NME7: variants seen among roughly 807,000 people sequenced by gnomAD.
The protein encoded by NME7 is nucleoside diphosphate kinase 7.
NME7 carries 41 observed loss-of-function variants against 49.1 expected under a neutral mutation model. The ratio of observed to expected loss-of-function variants is 0.83; its 90% CI spans 0.65 to 1.08. NME7 has a LOEUF of 1.08. Among genes scored for constraint, NME7 ranks in the 50% least tolerant of loss-of-function variants. The pLI is 0.00. For synonymous variants in NME7, 139 were observed against 150.6 expected, an observed-to-expected ratio of 0.92 and a Z score of 0.56; for missense variants, 423 against 463.4, an observed-to-expected ratio of 0.91 and a Z score of 0.80.
At chr1:169,139,084 T>C (rs2101806992) in intron 11 of NME7, among the ~76,000 whole-genome samples, 1 of 152,320 alleles carries the variant, frequency 6.6e-6, no homozygotes, top group East Asian at 1.9e-4. Flanking sequence ...CCTGTAATGA[T>C]TAAAAAGGTA....
At chr1:169,236,275 T>C (rs1647855455) in intron 8 of NME7, among the ~76,000 whole-genome samples, 1 of 152,164 alleles carries the variant, frequency 6.6e-6, no homozygotes, top group Non-Finnish European at 1.5e-5. Flanking sequence ...AATGCTTTCA[T>C]TGCCTAGATG....
At chr1:169,225,689 C>T (rs1329165503) in intron 10 of NME7, among the ~76,000 whole-genome samples, 1 of 152,034 alleles carries the variant, frequency 6.6e-6, no homozygotes, top group Non-Finnish European at 1.5e-5. Flanking sequence ...AATATTTCCC[C>T]CCTCCCTAAT....
At chr1:169,241,478 C>T (rs1648083558) in intron 7 of NME7, among the ~76,000 whole-genome samples, 1 of 151,888 alleles carries the variant, frequency 6.6e-6, no homozygotes, top group Admixed American at 6.6e-5. Context: ...CATATTAACC[C>T]TAATCTAAAT....
At chr1:169,267,758 C>T (rs897292966) in intron 7 of NME7, among the ~76,000 whole-genome samples, 1 of 133,504 alleles carries the variant, frequency 7.5e-6, no homozygotes, top group Non-Finnish European at 1.8e-5. Flanking sequence ...ACACCATATA[C>T]AAAAATCAAC....
intron 7 of NME7, among the ~76,000 whole-genome samples, chr1:169,254,511 C>T (rs1571330339): frequency 6.6e-6 from 1 of 151,696 alleles, no homozygotes; most frequent in African/African-American, 2.4e-5. Flanking sequence ...TTTCAAAAAA[C>T]CAGCTCCTGG....
intron 7 of NME7, among the ~76,000 whole-genome samples, chr1:169,246,243 T>C (rs977877001): frequency 3.3e-5 from 5 of 151,990 alleles, no homozygotes; most frequent in Non-Finnish European, 5.9e-5. Flanking sequence ...GAGGCCAAGG[T>C]TGCAGTGAGC....
intron 1 of NME7, among the ~76,000 whole-genome samples, chr1:169,340,112 G>A (rs994657301): frequency 2.0e-5 from 3 of 152,078 alleles, no homozygotes; most frequent in Admixed American, 2.0e-4. Flanking sequence ...TTCCATTTGA[G>A]TATTGACATG....
chr1:169,233,423 A>C (rs1163894500), intron 9 of NME7, among the ~76,000 whole-genome samples: 1 of 152,190 alleles, frequency 6.6e-6, no homozygotes, highest in Non-Finnish European at 1.5e-5. Context: ...ATCAGCTTAG[A>C]GGCTAGGAGC....
At chr1:169,223,784 T>G (rs527534949) in intron 10 of NME7, among the ~76,000 whole-genome samples, 2,962 of 150,680 alleles carry the variant, frequency 0.02, 46 homozygotes, top group African/African-American at 0.044. Flanking sequence ...CATATATATA[T>G]ATAGAGAGAG....
intron 7 of NME7, among the ~76,000 whole-genome samples, chr1:169,249,148 C>A (rs1041236590): frequency 2.0e-5 from 3 of 152,056 alleles, no homozygotes; most frequent in African/African-American, 7.2e-5. Context: ...TTTGTGTCAT[C>A]TATGATTTCT....
chr1:169,190,445 T>C (rs1302973603), intron 10 of NME7, among the ~76,000 whole-genome samples: 1 of 151,478 alleles, frequency 6.6e-6, no homozygotes, highest in African/African-American at 2.4e-5. Flanking sequence ...AGTGTTTATT[T>C]CTGAGAAGTA....
intron 7 of NME7, among the ~76,000 whole-genome samples, chr1:169,238,707 C>T (rs1356770968): frequency 6.6e-6 from 1 of 151,780 alleles, no homozygotes; most frequent in Non-Finnish European, 1.5e-5. Context: ...CAAATGAAGG[C>T]CAAATGATAT....
intron 7 of NME7, among the ~76,000 whole-genome samples, chr1:169,278,585 C>T (rs1024061740): frequency 1.3e-5 from 2 of 152,162 alleles, no homozygotes; most frequent in African/African-American, 2.4e-5. Flanking sequence ...GTTATACATT[C>T]GTCGAAATTT....
chr1:169,184,143 TA>T (rs539397736), intron 10 of NME7, among the ~76,000 whole-genome samples: 52 of 146,070 alleles, frequency 3.6e-4, no homozygotes, highest in Admixed American at 1.0e-3. Flanking sequence ...ACATTGTTTT[TA>T]AAAAAAAAAA....
intron 1 of NME7, among the ~76,000 whole-genome samples, chr1:169,346,740 C>T (rs1398851282): frequency 1.3e-5 from 2 of 152,134 alleles, no homozygotes; most frequent in African/African-American, 4.8e-5. Context: ...GGATGCATCC[C>T]AAGGGACTAG....
intron 10 of NME7, among the ~76,000 whole-genome samples, chr1:169,208,836 A>G (rs1660742338): frequency 6.6e-6 from 1 of 152,098 alleles, no homozygotes; most frequent in Non-Finnish European, 1.5e-5. Context: ...GATCAAGTTT[A>G]TGGGTGATAA....
chr1:169,366,294 G>T (rs914229423), intron 1 of NME7, among the ~76,000 whole-genome samples: 2 of 152,178 alleles, frequency 1.3e-5, no homozygotes, highest in South Asian at 2.1e-4. Context: ...GTATTTAAAA[G>T]GCCATTAGAA....
intron 7 of NME7, among the ~76,000 whole-genome samples, chr1:169,242,879 T>G (rs1413285910): frequency 6.6e-6 from 1 of 151,972 alleles, no homozygotes; most frequent in Non-Finnish European, 1.5e-5. Context: ...AACTTGTGTA[T>G]GAAAACTACA....
intron 7 of NME7, among the ~76,000 whole-genome samples, chr1:169,244,439 C>A (rs1648224170): frequency 6.6e-6 from 1 of 151,740 alleles, no homozygotes; most frequent in South Asian, 2.1e-4. Flanking sequence ...CGAGACCATC[C>A]TGGCTAACAC....
Sources: allele counts gnomAD v4.1 joint callset (sites outside exome capture counted in the v4.1 genomes callset), GRCh38; gene constraint gnomAD v4.1.1; transcripts MANE v1.5; gene names NCBI Gene and HGNC (gene_info 2026-07-23, HGNC 2026-07-21).